The following MROH2B variants were observed in gnomAD, a reference collection of about 807,000 sequenced individuals.
MROH2B encodes maestro heat like repeat family member 2B.
A neutral mutation model predicts 208.6 loss-of-function variants in MROH2B; 177 were observed. That is an observed-to-expected ratio of 0.85 (90% CI 0.75 to 0.96). The LOEUF (loss-of-function observed/expected upper bound fraction) is 0.96, where lower values mean the gene tolerates loss of function less well. Ranked by LOEUF, MROH2B falls within the 40% of genes least tolerant of loss-of-function variation. The probability of loss-of-function intolerance (pLI) is 0.00; values close to 1 mark genes in which losing one functional copy is unlikely to be tolerated. For missense variants in MROH2B, 2,002 were observed against 1,878.7 expected (o/e 1.07, Z -1.21); for synonymous variants, 728 against 659.0 (o/e 1.10, Z -1.60).
Position 41,045,869 on chromosome 5 carries a change from G to A in MROH2B, c.1729-16C>T. The A allele has an allele frequency of 1.3e-6, 2 of 1,586,286 alleles. No homozygotes were observed. Among genetic ancestry groups the A allele is most frequent in the East Asian group, 4.5e-5 (2 of 44,646 alleles). ...CTTTGAGCAACTGTTGTAGGAAGTG[G>A]AAGTTAGATGTGAATATGACCGTTT... is the stretch of plus-strand genomic sequence containing the variant. On this transcript the variant is annotated splice_polypyrimidine_tract_variant and intron_variant, in intron 17 of 41. Coordinates refer to ENST00000399564, the MANE Select transcript of MROH2B (RefSeq NM_173489.5).
chr5:40,999,998 C>T (rs979250800), intron 39 of MROH2B: 8 of 696,212 alleles, frequency 1.1e-5, no homozygotes, highest in South Asian at 4.1e-5. Flanking sequence ...ATTTTAGGAA[C>T]CAAGGAGAAT....
chr5:41,062,331 T>G (rs1743667184), intron 5 of MROH2B, among the ~76,000 whole-genome samples: 2 of 152,080 alleles, frequency 1.3e-5, no homozygotes, highest in South Asian at 2.1e-4. Context: ...AAGCTAATGG[T>G]GTTTGAAGTT....
chr5:41,024,622 T>A (rs1229781457), intron 24 of MROH2B, among the ~76,000 whole-genome samples: 7 of 152,238 alleles, frequency 4.6e-5, no homozygotes, highest in African/African-American at 1.7e-4. Flanking sequence ...ATTAGACAGA[T>A]CAATAAGACA....
intron 21 of MROH2B, among the ~76,000 whole-genome samples, chr5:41,035,299 G>A (rs1420958247): frequency 6.6e-6 from 1 of 151,986 alleles, no homozygotes; most frequent in Non-Finnish European, 1.5e-5. Flanking sequence ...TATGATCTTT[G>A]ACAAGGCTGA....
intron 19 of MROH2B, among the ~76,000 whole-genome samples, chr5:41,039,944 A>G (rs1377646548): frequency 6.6e-6 from 1 of 152,182 alleles, no homozygotes; most frequent in Non-Finnish European, 1.5e-5. Context: ...GGAGTGAGCC[A>G]TTAGACTATC....
chr5:41,015,344 G>A (rs774813844), intron 29 of MROH2B, 37 bp downstream of exon 29: 10 of 1,570,074 alleles, frequency 6.4e-6, no homozygotes, highest in Non-Finnish European at 8.7e-6. Context: ...AATCAATCCA[G>A]AATCTTTACA....
In MROH2B at chr5:41,061,696, G is replaced by T. The variant is rs767897264; in HGVS notation, c.489C>A (p.Tyr163Ter). ...AATCTCTCCAGTGGTTGACATATTT[G>T]TAAATGGCTTTGCTGAATTTCTCAA... ...IALEKFSKAI[Y>*]KYVNHWRDFP... Residue 163 changes from tyrosine to a stop codon, truncating the protein, a stop_gained, in exon 6 of 42, where the codon TAC (tyrosine) becomes TAA (stop). Transcript: ENST00000399564. LOFTEE classifies it high-confidence loss of function. 3 of 1,613,706 alleles carry T rather than the reference G, an allele frequency of 1.9e-6. No individual in the cohort carries two copies. Among genetic ancestry groups the T allele is most frequent in the East Asian group, 4.5e-5 (2 of 44,874 alleles).
chr5:41,019,727 G>T (rs1359039123), intron 24 of MROH2B, among the ~76,000 whole-genome samples: 1 of 152,228 alleles, frequency 6.6e-6, no homozygotes, highest in Admixed American at 6.5e-5. Context: ...GACACCATCA[G>T]AGAAATAAGA....
In MROH2B at chr5:41,054,783, C is replaced by T; in HGVS notation, c.1091G>A (p.Gly364Asp). ...SIERTVKIVMGDLSTKVRNSV... is the reference protein window; with the variant it reads ...SIERTVKIVMDDLSTKVRNSV... The stretch of plus-strand genomic sequence containing the variant: ...TTCTCTTACTTTTGTACTGAGATCA[C>T]CCATGACGATTTTGACTGTTCTTTC... Residue 364 changes from glycine to aspartate, a missense_variant, in exon 11 of 42, where the codon GGT becomes GAT. Coordinates refer to ENST00000399564, the MANE Select transcript of MROH2B (RefSeq NM_173489.5). 6.2e-7 allele frequency: 1 copy of T among 1,610,994 alleles called. No individual in the cohort carries two copies. Among genetic ancestry groups the T allele is most frequent in the Non-Finnish European group, 8.5e-7 (1 of 1,178,244 alleles).
chr5:41,004,403 T>G lies in MROH2B; in HGVS notation c.4137A>C (p.Arg1379=), dbSNP rs1741501475. 3 of 1,613,904 alleles carry G rather than the reference T, an allele frequency of 1.9e-6. No homozygotes were observed. In the Admixed American group the frequency reaches 5.0e-5, roughly 27 times the overall value. ...TTTCCTTGAAGTAGAAGCTCACGTC[T>G]CGGTCTGTCAGCAGCTCCAGGATTT... The part of the protein sequence containing the change: ...LKKILELLTD[R]DVSFYFKEIV... The change falls in exon 37 of 42, where the codon CGA becomes CGC. Residue 1379 remains arginine (R), a synonymous_variant. Transcript: ENST00000399564.
chr5:41,040,784 G>C (rs1014818986), intron 19 of MROH2B, among the ~76,000 whole-genome samples: 15 of 152,038 alleles, frequency 9.9e-5, no homozygotes, highest in African/African-American at 3.4e-4. Flanking sequence ...TCTTGCCTCA[G>C]CCTCCCGAGT....
At chr5:41,025,938 C>G (rs952250487) in intron 24 of MROH2B, among the ~76,000 whole-genome samples, 1 of 152,152 alleles carries the variant, frequency 6.6e-6, no homozygotes, top group African/African-American at 2.4e-5. Flanking sequence ...ACAAAAACCC[C>G]ATGATTATCT....
chr5:41,045,716 C>T (rs12658354), intron 18 of MROH2B, 30 bp downstream of exon 18: 39 of 1,561,844 alleles, frequency 2.5e-5, no homozygotes, highest in Non-Finnish European at 3.4e-5. Flanking sequence ...TAGGTAAAAG[C>T]TAAGGTTTCC....
intron 21 of MROH2B, among the ~76,000 whole-genome samples, chr5:41,036,583 G>A (rs567756056): frequency 1.3e-5 from 2 of 152,216 alleles, no homozygotes; most frequent in East Asian, 3.9e-4. Context: ...TGGAGCTGGA[G>A]GACATAATAC....
In MROH2B at chr5:41,051,071, T is replaced by C; in HGVS notation, c.1250A>G (p.Asn417Ser). 3.2e-6 allele frequency: 5 copies of C among 1,553,172 alleles called. No homozygotes were observed. The highest frequency in any genetic ancestry group is 4.3e-6 in the Non-Finnish European group (5 of 1,158,168). ...NRNLEKPVKT[N>S]FHENEKEEES... The stretch of plus-strand genomic sequence containing the variant: ...CTCTTCCTTTTCATTCTCATGAAAG[T>C]TAGTTTTCACTGGTTTCTCCTTTAA... The change falls in exon 13 of 42, where the codon AAC (asparagine) becomes AGC (serine). Residue 417 changes from asparagine (N) to serine (S), a missense_variant. Asn to Ser is a conservative substitution (Grantham distance 46, BLOSUM62 1). Transcript: ENST00000399564.
intron 24 of MROH2B, among the ~76,000 whole-genome samples, chr5:41,024,298 T>G (rs576417160): frequency 3.9e-5 from 6 of 152,190 alleles, no homozygotes; most frequent in African/African-American, 1.4e-4. Context: ...CCATCTCACA[T>G]GCAGAGACAC....
At chr5:41,033,811 ATC>A in intron 22 of MROH2B, 25 bp downstream of exon 22, 37 of 1,011,366 alleles carry the variant, frequency 3.7e-5, no homozygotes, top group Non-Finnish European at 4.8e-5. Context: ...CTATCTATCT[ATC>A]TATCTATCTA....
chr5:41,014,679 C>T (rs551829270), intron 29 of MROH2B, among the ~76,000 whole-genome samples: 3 of 152,016 alleles, frequency 2.0e-5, no homozygotes, highest in Non-Finnish European at 4.4e-5. Flanking sequence ...TCTCATTAAC[C>T]CCTCTTTCTA....
intron 24 of MROH2B, among the ~76,000 whole-genome samples, chr5:41,029,424 C>A (rs1424354471): frequency 2.0e-5 from 3 of 152,082 alleles, no homozygotes; most frequent in Admixed American, 2.0e-4. Context: ...CATAGGTTGC[C>A]TTTTCATTTT....
Sources: allele counts gnomAD v4.1 joint callset (sites outside exome capture counted in the v4.1 genomes callset), GRCh38; gene constraint gnomAD v4.1.1; transcripts MANE v1.5; gene names NCBI Gene and HGNC (gene_info 2026-07-23, HGNC 2026-07-21).